Variants in CPAP observed in about 807,000 individuals in gnomAD.
CPAP encodes centrosome assembly and centriole elongation protein.
At chr13:24,913,018 A>G in the CPAP span, 2 of 1,613,676 alleles carry the variant, frequency 1.2e-6, no homozygotes, top group South Asian at 2.2e-5. Flanking sequence ...GGTTGGCATC[A>G]GGAACATCTT....
the CPAP span, chr13:24,924,847 C>G: frequency 2.0e-5 from 3 of 151,692 alleles, no homozygotes; most frequent in African/African-American, 7.3e-5. Flanking sequence ...GTCTTCAGCA[C>G]TCAACTTTTC....
At chr13:24,914,327 C>T in the CPAP span, among the ~76,000 whole-genome samples, 1 of 152,098 alleles carries the variant, frequency 6.6e-6, no homozygotes, top group Non-Finnish European at 1.5e-5. Context: ...GTTCTCAAAC[C>T]CCATCACCAT....
chr13:24,920,494 A>T, the CPAP span, among the ~76,000 whole-genome samples: 2 of 152,240 alleles, frequency 1.3e-5, no homozygotes, highest in Non-Finnish European at 2.9e-5. Flanking sequence ...AATGTGATGT[A>T]CATTTTCTCA....
chr13:24,922,509 G>C, the CPAP span, among the ~76,000 whole-genome samples: 1 of 152,222 alleles, frequency 6.6e-6, no homozygotes, highest in Admixed American at 6.5e-5. Context: ...CCAGGTCAGA[G>C]AGACAGACAC....
At chr13:24,908,736 G>C in the CPAP span, among the ~76,000 whole-genome samples, 1 of 152,022 alleles carries the variant, frequency 6.6e-6, no homozygotes, top group Non-Finnish European at 1.5e-5. Flanking sequence ...GACTGGATAT[G>C]CATTAATTTG....
the CPAP span, among the ~76,000 whole-genome samples, chr13:24,901,752 G>A: frequency 3.9e-5 from 6 of 152,218 alleles, no homozygotes; most frequent in African/African-American, 1.4e-4. Context: ...AGAACTTTGG[G>A]AGGCCAAGGC....
At chr13:24,911,911 G>T in the CPAP span, 31 of 1,613,120 alleles carry the variant, frequency 1.9e-5, no homozygotes, top group Middle Eastern at 1.6e-4. Context: ...TAAGAAATGT[G>T]CATTATACTG....
the CPAP span, among the ~76,000 whole-genome samples, chr13:24,926,061 G>A: frequency 3.9e-5 from 6 of 152,190 alleles, no homozygotes; most frequent in East Asian, 1.9e-4. Context: ...GCATATCTGC[G>A]TCTGAGTACT....
chr13:24,923,060 G>A, the CPAP span, among the ~76,000 whole-genome samples: 2 of 152,246 alleles, frequency 1.3e-5, no homozygotes, highest in East Asian at 3.9e-4. Flanking sequence ...GCGTGGCGGG[G>A]CGGAAAACCG....
the CPAP span, chr13:24,886,201 T>A: frequency 1.4e-6 from 1 of 706,686 alleles, no homozygotes; most frequent in Non-Finnish European, 2.2e-6. Context: ...ATTTTCATCC[T>A]ATGTGCCAAT....
chr13:24,933,832 C>T, the CPAP span, among the ~76,000 whole-genome samples: 1 of 152,020 alleles, frequency 6.6e-6, no homozygotes, highest in Admixed American at 6.5e-5. Flanking sequence ...TCAAGCAATT[C>T]TCCTGCCTCA....
the CPAP span, chr13:24,903,921 C>A: frequency 2.5e-6 from 4 of 1,614,030 alleles, no homozygotes; most frequent in South Asian, 4.4e-5. Context: ...CAGACCCAAA[C>A]GTACCTGAGT....
the CPAP span, among the ~76,000 whole-genome samples, chr13:24,929,160 C>A: frequency 6.6e-6 from 1 of 152,118 alleles, no homozygotes; most frequent in African/African-American, 2.4e-5. Context: ...ACCTCCAGGG[C>A]TCAAGTGTTC....
At chr13:24,886,638 CTGTT>C in the CPAP span, among the ~76,000 whole-genome samples, 21 of 152,284 alleles carry the variant, frequency 1.4e-4, no homozygotes, top group African/African-American at 4.3e-4. Context: ...CAGGAGTGCT[CTGTT>C]TGGGATGACA....
the CPAP span, chr13:24,884,088 T>G: frequency 1.3e-6 from 2 of 1,572,430 alleles, no homozygotes; most frequent in Non-Finnish European, 1.7e-6. Flanking sequence ...GTTTTTCTGT[T>G]TAAAAAGTTG....
the CPAP span, chr13:24,906,648 T>C: frequency 6.2e-7 from 1 of 1,614,228 alleles, no homozygotes; most frequent in Non-Finnish European, 8.5e-7. Flanking sequence ...CTTTTCCTGT[T>C]ACTACACTTC....
chr13:24,910,359 G>A, the CPAP span, among the ~76,000 whole-genome samples: 1 of 152,180 alleles, frequency 6.6e-6, no homozygotes, highest in Non-Finnish European at 1.5e-5. Context: ...GAGTAGCTGG[G>A]ATTACAGGCG....
chr13:24,905,342 T>A, the CPAP span: 1 of 1,613,102 alleles, frequency 6.2e-7, no homozygotes, highest in Non-Finnish European at 8.5e-7. Flanking sequence ...ATGCTCTGAC[T>A]CACCAGGTGG....
At chr13:24,925,295 C>G in the CPAP span, among the ~76,000 whole-genome samples, 1 of 151,984 alleles carries the variant, frequency 6.6e-6, no homozygotes, top group Non-Finnish European at 1.5e-5. Flanking sequence ...TTCTTTTAAT[C>G]AAAGTTGATC....
Sources: gnomAD v4.1 joint callset for allele counts (sites outside exome capture counted in the v4.1 genomes callset) on GRCh38, gnomAD v4.1.1 for gene constraint, MANE v1.5 for transcripts, NCBI Gene and HGNC (gene_info 2026-07-23, HGNC 2026-07-21) for gene names.